EYS: variants seen among roughly 807,000 people sequenced by gnomAD.
The protein encoded by EYS is protein eyes shut homolog.
Under a neutral mutation model 282.1 loss-of-function variants are expected in EYS, and 250 were observed. The ratio of observed to expected loss-of-function variants is 0.89; its 90% CI spans 0.80 to 0.98. The LOEUF is 0.98. EYS is among the 50% of genes least tolerant of loss of function. EYS has a pLI of 0.00. For missense variants in EYS, 4,016 were observed against 3,709.0 expected, an observed-to-expected ratio of 1.08 and a Z score of -2.15; for synonymous variants, 1,355 against 1,282.9, an observed-to-expected ratio of 1.06 and a Z score of -1.20.
intron 22 of EYS, among the ~76,000 whole-genome samples, chr6:64,797,550 T>C (rs1366641031): frequency 1.3e-5 from 2 of 152,054 alleles, no homozygotes; most frequent in Admixed American, 6.6e-5. Flanking sequence ...ACACCTCATA[T>C]ATTATATCTC....
intron 36 of EYS, among the ~76,000 whole-genome samples, chr6:63,814,069 A>T (rs898758274): frequency 6.6e-6 from 1 of 152,162 alleles, no homozygotes; most frequent in East Asian, 1.9e-4. Context: ...TTAGCTCAAT[A>T]TCCTGCCGAA....
chr6:65,320,396 T>C (rs1324084617), intron 11 of EYS, among the ~76,000 whole-genome samples: 1 of 152,162 alleles, frequency 6.6e-6, no homozygotes, highest in Non-Finnish European at 1.5e-5. Context: ...TGCAGCCTGA[T>C]ATAGGAGGAA....
chr6:64,605,255 G>T (rs539385246), intron 24 of EYS, among the ~76,000 whole-genome samples: 81 of 151,928 alleles, frequency 5.3e-4, no homozygotes, highest in African/African-American at 1.9e-3. Context: ...AATATAAGAA[G>T]TGCCAATGGC....
intron 32 of EYS, among the ~76,000 whole-genome samples, chr6:64,079,613 T>G (rs1307937948): frequency 6.6e-6 from 1 of 152,150 alleles, no homozygotes; most frequent in Non-Finnish European, 1.5e-5. Flanking sequence ...AGGGTACATG[T>G]GCACAACATG....
intron 5 of EYS, among the ~76,000 whole-genome samples, chr6:65,411,405 T>C (rs758139474): frequency 1.2e-4 from 18 of 152,102 alleles, no homozygotes; most frequent in South Asian, 2.1e-4. Flanking sequence ...AATAGATTCA[T>C]AGAAAATTAC....
intron 5 of EYS, among the ~76,000 whole-genome samples, chr6:65,448,920 C>T (rs1042961641): frequency 6.6e-6 from 1 of 152,072 alleles, no homozygotes; most frequent in African/African-American, 2.4e-5. Flanking sequence ...AACATGATTA[C>T]ATAATCTTAT....
chr6:65,143,934 T>C lies in EYS; in HGVS notation c.2024-86207A>G, dbSNP rs115817238. On this transcript the variant is annotated intron_variant, in intron 12 of 42. Transcript: ENST00000503581. ...AGAAAATTCTTTTCTTCCTTTTTTT[T>C]CCTATTATTGTACAACAGTGAGTTC... Among the ~76,000 whole-genome samples the C allele has an allele frequency of 6.5e-3, 982 of 152,222 alleles. 13 individuals are homozygous for C. Among genetic ancestry groups the C allele is most frequent in the African/African-American group, 0.022 (924 of 41,572 alleles).
chr6:63,780,751 A>G (rs1770200474), intron 39 of EYS, among the ~76,000 whole-genome samples: 1 of 152,116 alleles, frequency 6.6e-6, no homozygotes, highest in African/African-American at 2.4e-5. Flanking sequence ...TCTTTAGTTT[A>G]ATTAGATCCC....
intron 12 of EYS, among the ~76,000 whole-genome samples, chr6:65,217,052 T>C (rs527365544): frequency 6.6e-6 from 1 of 152,154 alleles, no homozygotes; most frequent in Admixed American, 6.5e-5. Context: ...GCTTAATACT[T>C]ATGGTCCATT....
At chr6:64,223,530 G>C (rs9351200) in intron 31 of EYS, among the ~76,000 whole-genome samples, 47,530 of 151,728 alleles carry the variant, frequency 0.31, 7,439 homozygotes, top group East Asian at 0.5. Flanking sequence ...GGGGACACAT[G>C]CTGTGGTACA....
At chr6:64,969,217 A>G (rs1350442497) in intron 14 of EYS, among the ~76,000 whole-genome samples, 1 of 152,220 alleles carries the variant, frequency 6.6e-6, no homozygotes, top group African/African-American at 2.4e-5. Context: ...CAGCTGAAAG[A>G]AAAAAGTCTC....
intron 33 of EYS, among the ~76,000 whole-genome samples, chr6:64,012,529 C>A (rs1768686315): frequency 6.6e-6 from 1 of 152,182 alleles, no homozygotes; most frequent in South Asian, 2.1e-4. Flanking sequence ...TGTTTTACCT[C>A]CCTGTTTGTA....
intron 12 of EYS, among the ~76,000 whole-genome samples, chr6:65,125,399 G>A (rs1184702700): frequency 6.6e-6 from 1 of 152,070 alleles, no homozygotes. Flanking sequence ...GTCCCCCGCT[G>A]CCCATTTGCA....
At chr6:64,364,315 T>C (rs944656596) in intron 29 of EYS, among the ~76,000 whole-genome samples, 2 of 151,960 alleles carry the variant, frequency 1.3e-5, no homozygotes, top group South Asian at 2.1e-4. Flanking sequence ...TTCTATAATA[T>C]AGAATCAGGG....
chr6:63,735,072 A>G (rs1247996815), intron 41 of EYS, among the ~76,000 whole-genome samples: 4 of 152,158 alleles, frequency 2.6e-5, no homozygotes, highest in Non-Finnish European at 5.9e-5. Context: ...GCTCAAAGCT[A>G]TGATTCAGAG....
chr6:64,151,347 A>T lies in EYS; in HGVS notation c.6425-69345T>A, dbSNP rs1338890513. 2.8e-3 allele frequency among the ~76,000 whole-genome samples: 320 copies of T among 113,344 alleles called. 22 individuals carry two copies. Among genetic ancestry groups the T allele is most frequent in the African/African-American group, 0.012 (298 of 25,062 alleles). The allele number at this position is 113,344 out of a possible 152,430, so 74.4% of individuals were successfully genotyped here. ...TATATATATATATATATATATATAT[A>T]TATATATATATATATAATTTTTTTT... On this transcript the variant is annotated intron_variant, in intron 31 of 42. Coordinates refer to ENST00000503581, the MANE Select transcript of EYS (RefSeq NM_001142800.2).
intron 2 of EYS, among the ~76,000 whole-genome samples, chr6:65,614,154 C>A (rs71572539): frequency 0.082 from 12,505 of 151,970 alleles, 645 homozygotes; most frequent in South Asian, 0.15. Context: ...AATAACTACA[C>A]ATTTCATAAC....
chr6:65,046,442 C>CTTA (rs1279747667), intron 13 of EYS, among the ~76,000 whole-genome samples: 1 of 151,748 alleles, frequency 6.6e-6, no homozygotes, highest in African/African-American at 2.4e-5. Flanking sequence ...TATAGCTTTC[C>CTTA]TTATTATTAT....
intron 30 of EYS, among the ~76,000 whole-genome samples, chr6:64,233,301 T>A (rs561559334): frequency 2.0e-5 from 3 of 152,336 alleles, no homozygotes; most frequent in South Asian, 2.1e-4. Flanking sequence ...ATATCTGATA[T>A]ATGATAATTA....
Sources: gnomAD v4.1 joint callset for allele counts (sites outside exome capture counted in the v4.1 genomes callset) on GRCh38, gnomAD v4.1.1 for gene constraint, MANE v1.5 for transcripts, NCBI Gene and HGNC (gene_info 2026-07-23, HGNC 2026-07-21) for gene names.